GRIN2A: variants seen among roughly 807,000 people sequenced by gnomAD.
GRIN2A encodes the protein glutamate receptor ionotropic, NMDA 2A.
Under a neutral mutation model 113.4 loss-of-function variants are expected in GRIN2A, and 22 were observed. That is an observed-to-expected ratio of 0.19 (90% confidence interval 0.14 to 0.28). The LOEUF is 0.28. Among genes scored for constraint, GRIN2A ranks in the 10% least tolerant of loss-of-function variants. GRIN2A has a pLI of 1.00. For synonymous variants in GRIN2A, 827 were observed against 738.4 expected, an observed-to-expected ratio of 1.12 and a Z score of -1.94; for missense variants, 1,502 against 1,887.0, an observed-to-expected ratio of 0.80 and a Z score of 3.78.
intron 10 of GRIN2A, among the ~76,000 whole-genome samples, chr16:9,802,980 G>A (rs895962785): frequency 2.6e-5 from 4 of 151,426 alleles, no homozygotes; most frequent in East Asian, 1.9e-4. Context: ...CTTTTGATCC[G>A]TTTTCTATTG....
At chr16:10,171,681 T>G (rs1398609632) in intron 2 of GRIN2A, among the ~76,000 whole-genome samples, 1 of 152,206 alleles carries the variant, frequency 6.6e-6, no homozygotes, top group Non-Finnish European at 1.5e-5. Context: ...AATCACTCTT[T>G]CTGGTTATTA....
At chr16:10,001,195 A>C (rs572021412) in intron 2 of GRIN2A, among the ~76,000 whole-genome samples, 20 of 152,146 alleles carry the variant, frequency 1.3e-4, no homozygotes, top group Non-Finnish European at 2.6e-4. Context: ...TCAAACTCTG[A>C]GATTCTATGA....
intron 2 of GRIN2A, among the ~76,000 whole-genome samples, chr16:9,994,557 T>G (rs568713465): frequency 4.6e-5 from 7 of 152,218 alleles, no homozygotes; most frequent in African/African-American, 1.7e-4. Flanking sequence ...GGACAGTTGG[T>G]TCACTTTTCT....
chr16:9,933,659 A>T (rs2044648745), intron 3 of GRIN2A, among the ~76,000 whole-genome samples: 1 of 152,208 alleles, frequency 6.6e-6, no homozygotes, highest in Admixed American at 6.5e-5. Context: ...TCTATTGAAC[A>T]AGCTGGTAGA....
chr16:9,820,008 CA>C (rs1446202157), intron 10 of GRIN2A, among the ~76,000 whole-genome samples: 1 of 151,262 alleles, frequency 6.6e-6, no homozygotes, highest in Non-Finnish European at 1.5e-5. Context: ...AAGCATCCCC[CA>C]CATGGGAGAT....
Position 9,784,019 on chromosome 16 carries a change from T to C in GRIN2A, c.2356+14258A>G, listed in dbSNP as rs146375569. On this transcript the variant is annotated intron_variant, in intron 11 of 12. Coordinates refer to ENST00000330684, the MANE Select transcript of GRIN2A (RefSeq NM_001134407.3). The stretch of plus-strand genomic sequence containing the variant: ...AGGATCAGGAAAAACAAATAATGGG[T>C]ACTGGGCTTAATACCTGGGTGATGA... Among the ~76,000 whole-genome samples the C allele has an allele frequency of 5.8e-3, 889 of 152,118 alleles. 1 individual carries two copies. Among genetic ancestry groups the C allele is most frequent in the Middle Eastern group, 0.01 (3 of 292 alleles).
chr16:9,786,899 T>C (rs1038782207), intron 11 of GRIN2A, among the ~76,000 whole-genome samples: 121 of 152,168 alleles, frequency 8.0e-4, no homozygotes, highest in African/African-American at 2.9e-3. Flanking sequence ...CATTTTCTTC[T>C]CTTGCCCAAA....
chr16:10,070,967 T>C (rs563091719), intron 2 of GRIN2A, among the ~76,000 whole-genome samples: 1 of 152,264 alleles, frequency 6.6e-6, no homozygotes, highest in South Asian at 2.1e-4. Context: ...ACCCAACAAC[T>C]CTTGGAGTGC....
At chr16:10,181,444 T>C (rs1044416999) in intron 1 of GRIN2A, 1 of 152,420 alleles carries the variant, frequency 6.6e-6, no homozygotes, top group Admixed American at 6.5e-5. Flanking sequence ...ACGTGGGCAG[T>C]GGGCCGCACA....
intron 9 of GRIN2A, among the ~76,000 whole-genome samples, chr16:9,825,643 C>T (rs988001932): frequency 1.3e-5 from 2 of 152,160 alleles, no homozygotes; most frequent in African/African-American, 2.4e-5. Context: ...CATCTGGCAA[C>T]TGGAGCCCCT....
intron 12 of GRIN2A, among the ~76,000 whole-genome samples, chr16:9,766,885 C>T (rs1360937245): frequency 6.6e-6 from 1 of 152,192 alleles, no homozygotes; most frequent in African/African-American, 2.4e-5. Context: ...CCCTGTGCTG[C>T]CCAGTTTGCC....
At chr16:10,036,930 C>G (rs1042209967) in intron 2 of GRIN2A, 1 of 152,146 alleles carries the variant, frequency 6.6e-6, no homozygotes, top group Non-Finnish European at 1.5e-5. Flanking sequence ...AGGTCACATC[C>G]TGAGGTACTG....
intron 9 of GRIN2A, among the ~76,000 whole-genome samples, chr16:9,826,990 T>C (rs2042399325): frequency 6.6e-6 from 1 of 152,236 alleles, no homozygotes; most frequent in East Asian, 1.9e-4. Flanking sequence ...TCCTGCTGCT[T>C]CCACCATACC....
intron 2 of GRIN2A, among the ~76,000 whole-genome samples, chr16:9,945,809 G>A (rs183740081): frequency 2.6e-5 from 4 of 152,164 alleles, no homozygotes; most frequent in Non-Finnish European, 5.9e-5. Flanking sequence ...CACTTGCTAG[G>A]TTATGACTTG....
chr16:9,980,101 CA>C (rs1021058668), intron 2 of GRIN2A, among the ~76,000 whole-genome samples: 1 of 150,160 alleles, frequency 6.7e-6, no homozygotes, highest in Non-Finnish European at 1.5e-5. Flanking sequence ...TCTCTACTAA[CA>C]AAAAAAACAG....
intron 2 of GRIN2A, among the ~76,000 whole-genome samples, chr16:10,007,731 A>G (rs1412268611): frequency 6.6e-6 from 1 of 152,176 alleles, no homozygotes; most frequent in Non-Finnish European, 1.5e-5. Context: ...GGGAAATAGA[A>G]AAGCAAATGG....
intron 2 of GRIN2A, among the ~76,000 whole-genome samples, chr16:10,040,948 T>A (rs1399461006): frequency 6.6e-6 from 1 of 152,226 alleles, no homozygotes; most frequent in African/African-American, 2.4e-5. Flanking sequence ...GAGGTGGCTT[T>A]CTCTGTGCTT....
At chr16:9,996,373 G>T (rs2046224145) in intron 2 of GRIN2A, among the ~76,000 whole-genome samples, 1 of 152,126 alleles carries the variant, frequency 6.6e-6, no homozygotes, top group South Asian at 2.1e-4. Flanking sequence ...GGCTCCCTGG[G>T]CTCCCCTGAG....
chr16:9,940,512 T>A (rs1466674446), intron 2 of GRIN2A, among the ~76,000 whole-genome samples: 1 of 152,162 alleles, frequency 6.6e-6, no homozygotes, highest in East Asian at 1.9e-4. Context: ...AGGGCAGAGA[T>A]TTTTGTTGTT....
Sources: allele counts gnomAD v4.1 joint callset (sites outside exome capture counted in the v4.1 genomes callset), GRCh38; gene constraint gnomAD v4.1.1; transcripts MANE v1.5; gene names NCBI Gene and HGNC (gene_info 2026-07-23, HGNC 2026-07-21).